The following ABAT variants were observed in gnomAD, a reference collection of about 807,000 sequenced individuals.
The protein encoded by ABAT is 4-aminobutyrate aminotransferase, mitochondrial.
ABAT carries 45 observed loss-of-function variants against 64.6 expected under a neutral mutation model. The observed-to-expected ratio is 0.70, with a 90% CI of 0.55 to 0.89. The LOEUF is 0.89. ABAT is among the 40% of genes least tolerant of loss of function. The pLI is 0.00. For missense variants in ABAT, 633 were observed against 658.4 expected (o/e 0.96, Z 0.42); for synonymous variants, 297 against 250.5 (o/e 1.19, Z -1.75).
At chr16:8,719,838 G>T (rs534865453) in intron 1 of ABAT, among the ~76,000 whole-genome samples, 1 of 152,198 alleles carries the variant, frequency 6.6e-6, no homozygotes, top group African/African-American at 2.4e-5. Flanking sequence ...TTGAGATGGA[G>T]TTTCACTCTT....
Position 8,749,310 on chromosome 16 carries a change from G to A in ABAT, c.199-1112G>A, listed in dbSNP as rs567026380. ...TCACCACGTTGGTCAGGCTGGTCTC[G>A]AACTGCTGACCTCGTGATCCACCTG... On this transcript the variant is annotated intron_variant, in intron 4 of 15. Coordinates refer to ENST00000268251, the MANE Select transcript of ABAT (RefSeq NM_020686.6). Among the ~76,000 whole-genome samples, 10 of 147,982 alleles carry A rather than the reference G, an allele frequency of 6.8e-5. No individual in the cohort carries two copies. The South Asian group carries it at 8.5e-4, about 13-fold the overall frequency.
chr16:8,742,083 C>T (rs1037289124), intron 2 of ABAT, among the ~76,000 whole-genome samples: 1 of 152,162 alleles, frequency 6.6e-6, no homozygotes, highest in African/African-American at 2.4e-5. Context: ...CGGAACAGAC[C>T]CATCTGCCTT....
chr16:8,698,187 T>C (rs73497651), intron 1 of ABAT, among the ~76,000 whole-genome samples: 7,446 of 152,226 alleles, frequency 0.049, 596 homozygotes, highest in African/African-American at 0.17. Flanking sequence ...GGGTTCCAAC[T>C]TTGCCTGCTG....
intron 1 of ABAT, among the ~76,000 whole-genome samples, chr16:8,688,235 G>C (rs2057502593): frequency 6.6e-6 from 1 of 152,146 alleles, no homozygotes; most frequent in Non-Finnish European, 1.5e-5. Context: ...GTAACACTGG[G>C]TACTACTTGG....
intron 1 of ABAT, among the ~76,000 whole-genome samples, chr16:8,718,266 G>C (rs1258017371): frequency 6.6e-6 from 1 of 152,154 alleles, no homozygotes; most frequent in Non-Finnish European, 1.5e-5. Flanking sequence ...TCCCAAGAGA[G>C]TGAACATTTA....
chr16:8,720,934 G>C (rs371924149), intron 1 of ABAT: 1 of 152,326 alleles, frequency 6.6e-6, no homozygotes, highest in Admixed American at 6.5e-5. Context: ...GGAGTAGAAA[G>C]GTGAGTCAGA....
intron 2 of ABAT, among the ~76,000 whole-genome samples, chr16:8,739,404 A>G (rs1419736299): frequency 6.6e-6 from 1 of 152,128 alleles, no homozygotes; most frequent in Admixed American, 6.6e-5. Flanking sequence ...CTATTTCACA[A>G]ATTTCTTGCA....
At chr16:8,750,573 C>G (rs758724329) in intron 5 of ABAT, 34 bp downstream of exon 5, 1 of 1,586,738 alleles carries the variant, frequency 6.3e-7, no homozygotes, top group East Asian at 2.2e-5. Flanking sequence ...TGGATATAAC[C>G]TCTGTTTCTG....
At chr16:8,756,047 T>C (rs190228655) in intron 5 of ABAT, among the ~76,000 whole-genome samples, 2 of 136,028 alleles carry the variant, frequency 1.5e-5, no homozygotes, top group African/African-American at 5.7e-5. Context: ...AGACTCTCTC[T>C]CAAAAAAAAA....
At chr16:8,748,189 G>A in intron 4 of ABAT, 52 bp downstream of exon 4, 2 of 1,536,198 alleles carry the variant, frequency 1.3e-6, no homozygotes, top group Non-Finnish European at 1.8e-6. Flanking sequence ...TCACAATTGA[G>A]CTAAAAGACA....
intron 2 of ABAT, among the ~76,000 whole-genome samples, chr16:8,742,346 T>C (rs1359305984): frequency 6.6e-6 from 1 of 152,228 alleles, no homozygotes; most frequent in Admixed American, 6.5e-5. Flanking sequence ...TACAATGCAA[T>C]GTCAAGACAC....
intron 5 of ABAT, chr16:8,757,355 A>G (rs1293187374): frequency 2.8e-6 from 1 of 359,204 alleles, no homozygotes; most frequent in Non-Finnish European, 5.4e-6. Context: ...TTTAGTAGAG[A>G]CGGGGATTCA....
intron 9 of ABAT, 25 bp downstream of exon 9, chr16:8,766,295 C>G (rs371300523): frequency 3.7e-6 from 6 of 1,610,594 alleles, no homozygotes; most frequent in South Asian, 3.3e-5. Context: ...GCTTGCACCA[C>G]GTACATCTGG....
chr16:8,777,737 A>C (rs1567318523), intron 14 of ABAT, among the ~76,000 whole-genome samples: 2 of 152,194 alleles, frequency 1.3e-5, no homozygotes, highest in South Asian at 4.1e-4. Context: ...ATGCTAGAGT[A>C]AGTGCTGGAA....
At chr16:8,733,244 C>T (rs1338195591) in intron 1 of ABAT, among the ~76,000 whole-genome samples, 1 of 151,116 alleles carries the variant, frequency 6.6e-6, no homozygotes, top group African/African-American at 2.5e-5. Flanking sequence ...GGCGGCCGGG[C>T]AGAGACGCTC....
chr16:8,743,973 G>A (rs1291230721), intron 2 of ABAT, among the ~76,000 whole-genome samples: 1 of 152,012 alleles, frequency 6.6e-6, no homozygotes, highest in Admixed American at 6.6e-5. Context: ...TTTCACTCAG[G>A]GATCAGCAAG....
chr16:8,710,049 G>A (rs1333444694), intron 1 of ABAT, among the ~76,000 whole-genome samples: 2 of 151,524 alleles, frequency 1.3e-5, no homozygotes. Context: ...CTGAGCTCAA[G>A]GAATCCGCCC....
chr16:8,732,971 G>T (rs1343214674), intron 1 of ABAT, among the ~76,000 whole-genome samples: 1 of 146,248 alleles, frequency 6.8e-6, no homozygotes, highest in African/African-American at 2.7e-5. Context: ...CTGGCCGGGC[G>T]GGGGGCTGAT....
At chr16:8,774,845 C>T (rs750414030) in intron 12 of ABAT, 45 bp from the exon 13 acceptor site, 1 of 1,610,948 alleles carries the variant, frequency 6.2e-7, no homozygotes, top group South Asian at 1.1e-5. Context: ...AATTTCTGGC[C>T]TCCCACGGGT....
Sources: allele counts gnomAD v4.1 joint callset (sites outside exome capture counted in the v4.1 genomes callset), GRCh38; gene constraint gnomAD v4.1.1; transcripts MANE v1.5; gene names NCBI Gene and HGNC (gene_info 2026-07-23, HGNC 2026-07-21).